Variants in VGLL3 observed in about 807,000 individuals in gnomAD.
VGLL3 encodes the protein vestigial like family member 3.
A neutral mutation model predicts 29.2 loss-of-function variants in VGLL3; 18 were observed. The ratio of observed to expected loss-of-function variants is 0.62; its 90% CI spans 0.43 to 0.91. VGLL3 has a LOEUF of 0.91. Among genes scored for constraint, VGLL3 ranks in the 40% least tolerant of loss-of-function variants. VGLL3 has a pLI of 0.00. For synonymous variants in VGLL3, 180 were observed against 151.8 expected (o/e 1.19, Z -1.36); for missense variants, 440 against 413.2 (o/e 1.06, Z -0.56).
At chr3:86,947,344 T>C (rs1704529344) in intron 3 of VGLL3, among the ~76,000 whole-genome samples, 3 of 152,070 alleles carry the variant, frequency 2.0e-5, no homozygotes, top group Admixed American at 2.0e-4. Context: ...TTGCTTGGAG[T>C]ATGAGTGAAT....
At chr3:86,958,481 C>A (rs770498908) in intron 3 of VGLL3, among the ~76,000 whole-genome samples, 1 of 152,188 alleles carries the variant, frequency 6.6e-6, no homozygotes, top group Non-Finnish European at 1.5e-5. Flanking sequence ...AAAGCTCCTG[C>A]ACCTGTTCCA....
intron 1 of VGLL3, among the ~76,000 whole-genome samples, chr3:86,979,831 G>T (rs778177302): frequency 2.6e-5 from 4 of 151,998 alleles, no homozygotes; most frequent in African/African-American, 7.2e-5. Flanking sequence ...ATAGATATGC[G>T]TGTGCATACA....
At chr3:86,988,301 C>T (rs1439721271) in intron 1 of VGLL3, among the ~76,000 whole-genome samples, 1 of 151,862 alleles carries the variant, frequency 6.6e-6, no homozygotes, top group African/African-American at 2.4e-5. Context: ...CTTTTGTCTC[C>T]CAGGCAAGAT....
chr3:86,966,824 T>G (rs1161390741), intron 3 of VGLL3, among the ~76,000 whole-genome samples: 2 of 98,960 alleles, frequency 2.0e-5, no homozygotes, highest in Non-Finnish European at 2.0e-5. Context: ...TATATATATA[T>G]AGTACCCCAG....
intron 1 of VGLL3, among the ~76,000 whole-genome samples, chr3:86,984,253 T>C (rs1705388746): frequency 6.6e-6 from 1 of 152,240 alleles, no homozygotes; most frequent in Non-Finnish European, 1.5e-5. Flanking sequence ...TTTGGAAATT[T>C]GACCAGTCAG....
intron 1 of VGLL3, among the ~76,000 whole-genome samples, chr3:86,984,732 A>G (rs1705399960): frequency 1.3e-5 from 2 of 152,146 alleles, no homozygotes; most frequent in African/African-American, 4.8e-5. Flanking sequence ...GAAATTATGC[A>G]AAGACTTGGA....
At chr3:86,983,153 T>G (rs1705364378) in intron 1 of VGLL3, among the ~76,000 whole-genome samples, 2 of 152,200 alleles carry the variant, frequency 1.3e-5, no homozygotes, top group African/African-American at 4.8e-5. Context: ...ATGTGGAAAC[T>G]TTTTTTCCTA....
chr3:86,950,222 G>A (rs551347502), intron 3 of VGLL3, among the ~76,000 whole-genome samples: 1 of 152,034 alleles, frequency 6.6e-6, no homozygotes, highest in African/African-American at 2.4e-5. Flanking sequence ...CTGTTGTTCA[G>A]ACTGTGAGAT....
intron 3 of VGLL3, chr3:86,962,097 A>G: frequency 1.0e-6 from 1 of 985,334 alleles, no homozygotes; most frequent in African/African-American, 1.7e-5. Context: ...AACTCAGTTT[A>G]AAGACTGATA....
chr3:86,981,409 GC>G (rs1321420643), intron 1 of VGLL3, among the ~76,000 whole-genome samples: 1 of 151,754 alleles, frequency 6.6e-6, no homozygotes, highest in East Asian at 1.9e-4. Context: ...AGCAAAAGCT[GC>G]CCCTGCATTA....
intron 1 of VGLL3, among the ~76,000 whole-genome samples, chr3:86,979,430 C>A (rs1451407981): frequency 6.6e-6 from 1 of 151,978 alleles, no homozygotes; most frequent in Non-Finnish European, 1.5e-5. Context: ...CGTTTACCAC[C>A]ATTATCATGA....
In VGLL3 at chr3:86,940,338, C is replaced by T. The variant is rs1704367465; in HGVS notation, c.*6686G>A. ...AAACAATAAAATACACCTTGGTCAA[C>T]CAATATCCTTAGAAGCATTGTATTA... is the stretch of plus-strand genomic sequence containing the variant. On this transcript the variant is annotated 3_prime_UTR_variant, in exon 4 of 4. Coordinates refer to ENST00000398399, the MANE Select transcript of VGLL3 (RefSeq NM_016206.4). The T allele has an allele frequency of 6.6e-6, 1 of 152,578 alleles. No homozygotes were observed. Among genetic ancestry groups the T allele is most frequent in the Admixed American group, 6.5e-5 (1 of 15,280 alleles). The allele number at this position is 152,578 out of a possible 1,614,324, so 9.5% of individuals were successfully genotyped here.
At chr3:86,985,221 C>CA (rs1339155561) in intron 1 of VGLL3, among the ~76,000 whole-genome samples, 6 of 151,932 alleles carry the variant, frequency 3.9e-5, no homozygotes, top group African/African-American at 7.3e-5. Flanking sequence ...GATATTTAGC[C>CA]AAAAAAACCC....
intron 3 of VGLL3, among the ~76,000 whole-genome samples, chr3:86,963,422 G>A (rs1704897488): frequency 6.6e-6 from 1 of 152,148 alleles, no homozygotes; most frequent in Non-Finnish European, 1.5e-5. Context: ...ATATTTGCCA[G>A]GCATAGCGGA....
In VGLL3 at chr3:86,938,687, T is replaced by C. The variant is rs1429647966; in HGVS notation, c.*8337A>G. 1 of 152,170 alleles carries C rather than the reference T, an allele frequency of 6.6e-6. No individual in the cohort carries two copies. The highest frequency in any genetic ancestry group is 1.5e-5 in the Non-Finnish European group (1 of 68,040). 9.4% of individuals were successfully genotyped at this position (152,170 alleles called of 1,614,324 possible). ...TATTGATCAGCAGCATTCCAGAGTA[T>C]GGATACCTTCTTTACACATTAAATC... On this transcript the variant is annotated 3_prime_UTR_variant, in exon 4 of 4. Transcript: ENST00000398399.
rs186163643 is a variant in VGLL3, at chr3:86,943,948, G to C, written c.*3076C>G. On this transcript the variant is annotated 3_prime_UTR_variant, in exon 4 of 4. Coordinates refer to ENST00000398399, the MANE Select transcript of VGLL3 (RefSeq NM_016206.4). ...CAAAAGTCACCTTTGTCTAAAGGTG[G>C]AGTGGTTTTAATAAAATTGTGGAGG... 2 of 152,218 alleles carry C rather than the reference G, an allele frequency of 1.3e-5. No homozygotes were observed. The highest frequency in any genetic ancestry group is 4.8e-5 in the African/African-American group (2 of 41,542). The allele number at this position is 152,218 out of a possible 1,614,324, so 9.4% of individuals were successfully genotyped here.
intron 3 of VGLL3, among the ~76,000 whole-genome samples, chr3:86,959,294 T>A (rs1431625495): frequency 6.6e-6 from 1 of 152,196 alleles, no homozygotes. Flanking sequence ...CCTATTATAT[T>A]TTTAATACCA....
At chr3:86,986,083 C>T (rs1705436014) in intron 1 of VGLL3, among the ~76,000 whole-genome samples, 1 of 151,914 alleles carries the variant, frequency 6.6e-6, no homozygotes, top group Admixed American at 6.6e-5. Context: ...GCACATAGCC[C>T]AGCTTCTTCT....
rs529910786 is a variant in VGLL3, at chr3:86,964,832, A to G, written c.937+3758T>C. ...TGGTATTTTATTATAACAGCTTGAA[A>G]GCACTAAGACATCATTTCTCTACTA... On this transcript the variant is annotated intron_variant, in intron 3 of 3. Coordinates refer to ENST00000398399, the MANE Select transcript of VGLL3 (RefSeq NM_016206.4). 3.3e-5 allele frequency among the ~76,000 whole-genome samples: 5 copies of G among 152,320 alleles called. No individual in the cohort carries two copies. The East Asian group carries it at 9.7e-4, about 29-fold the overall frequency.
Sources: allele counts gnomAD v4.1 joint callset (sites outside exome capture counted in the v4.1 genomes callset), GRCh38; gene constraint gnomAD v4.1.1; transcripts MANE v1.5; gene names NCBI Gene and HGNC (gene_info 2026-07-23, HGNC 2026-07-21).